The following TELO2 variants were observed in gnomAD, a reference collection of about 807,000 sequenced individuals.
TELO2 encodes the protein telomere length regulation protein TEL2 homolog.
Under a neutral mutation model 91.0 loss-of-function variants are expected in TELO2, and 71 were observed. That is an observed-to-expected ratio of 0.78 (90% CI 0.64 to 0.95). The LOEUF (loss-of-function observed/expected upper bound fraction) is 0.95, where lower values mean the gene tolerates loss of function less well. TELO2 is among the 40% of genes least tolerant of loss of function. TELO2 has a pLI of 0.00. For synonymous variants in TELO2, 584 were observed against 518.9 expected (o/e 1.13, Z -1.71); for missense variants, 1,183 against 1,141.3 (o/e 1.04, Z -0.53).
At chr16:1,502,245 T>C in intron 12 of TELO2, 68 bp from the exon 13 acceptor site, 1 of 1,567,486 alleles carries the variant, frequency 6.4e-7, no homozygotes, top group Non-Finnish European at 8.6e-7. Flanking sequence ...GTGCCGCCCG[T>C]GCTGCTGGCT....
intron 16 of TELO2, 90 bp from the exon 17 acceptor site, chr16:1,506,148 A>T: frequency 2.1e-6 from 3 of 1,432,904 alleles, no homozygotes; most frequent in Non-Finnish European, 2.9e-6. Context: ...GCTGAGGTCC[A>T]CGCTGCTTTG....
chr16:1,498,032 T>C (rs2039555465), intron 5 of TELO2, among the ~76,000 whole-genome samples: 1 of 152,010 alleles, frequency 6.6e-6, no homozygotes, highest in South Asian at 2.1e-4. Context: ...TTTTTTTCTT[T>C]TTGAGATGGA....
Position 1,507,069 on chromosome 16 carries a change from G to A in TELO2, c.2226+18G>A, listed in dbSNP as rs1437607017. 2.0e-5 allele frequency: 31 copies of A among 1,585,570 alleles called. No individual in the cohort carries two copies. Among genetic ancestry groups the A allele is most frequent in the African/African-American group, 2.7e-5 (2 of 74,360 alleles). ...ACACCACGGTGAGCCGGGAGAGGTC[G>A]CCGGGCGCCGGCCTGTGCTAACCAT... On this transcript the variant is annotated intron_variant, in intron 18 of 20. Coordinates refer to ENST00000262319, the MANE Select transcript of TELO2 (RefSeq NM_016111.4).
At chr16:1,506,498 G>A (rs2039897729) in intron 17 of TELO2, 169 bp downstream of exon 17, 2 of 1,468,708 alleles carry the variant, frequency 1.4e-6, no homozygotes, top group African/African-American at 2.8e-5. Context: ...CGTCCCGCAA[G>A]ATTCCTCTGT....
At chr16:1,509,769 G>A (rs968576303) in intron 20 of TELO2, 61 bp from the exon 21 acceptor site, 2 of 1,462,446 alleles carry the variant, frequency 1.4e-6, no homozygotes, top group Non-Finnish European at 1.9e-6. Flanking sequence ...ACTGAAGACA[G>A]GAGGAGGGAG....
intron 3 of TELO2, 37 bp from the exon 4 acceptor site, chr16:1,496,999 C>A: frequency 6.2e-7 from 1 of 1,607,038 alleles, no homozygotes; most frequent in East Asian, 2.2e-5. Flanking sequence ...TGTGCCTTCC[C>A]GCCGGCTTCC....
chr16:1,507,774 A>ATGTGTG (rs1258445053), intron 20 of TELO2, 58 bp downstream of exon 20: 1 of 1,018,504 alleles, frequency 9.8e-7, no homozygotes, highest in Non-Finnish European at 1.3e-6. Flanking sequence ...GTGTGTGTGT[A>ATGTGTG]TGTGTGTGTG....
rs1159396574 is a variant in TELO2, at chr16:1,495,349, C to T, written c.339C>T (p.Pro113=). Residue 113 remains proline (P), a synonymous_variant, in exon 3 of 21, where the codon CCC becomes CCT. Coordinates refer to ENST00000262319, the MANE Select transcript of TELO2 (RefSeq NM_016111.4). ...CCCAACACGCCCGTATCTTCAGCCC[C>T]AGCTTCCGGCTGATGAAGATGGCGC... ...LMETIEGAAG[P]SFRLMKMARL... is the part of the protein sequence containing the mutation. 2.6e-6 allele frequency: 4 copies of T among 1,543,182 alleles called. No homozygotes were observed. The South Asian group carries it at 3.6e-5, about 14-fold the overall frequency.
rs1016645739 is a variant in TELO2 at position 1,493,958 on chromosome 16, C to A, written c.-36-288C>A. Among the ~76,000 whole-genome samples the A allele has an allele frequency of 6.6e-6, 1 of 152,242 alleles. No homozygotes were observed. The highest frequency in any genetic ancestry group is 2.4e-5 in the African/African-American group (1 of 41,466). On this transcript the variant is annotated intron_variant, in intron 1 of 20. Coordinates refer to ENST00000262319, the MANE Select transcript of TELO2 (RefSeq NM_016111.4). This position sits in a 1 kb window ranked among gnomAD's most constrained non-coding sequence, Gnocchi z 4.3. ...GAACACTCACCAGCATCTCTAGCCTCCACCTCCCTCTCGCGCCAGTGGCAC... is the reference window on the plus strand; with the variant it reads ...GAACACTCACCAGCATCTCTAGCCTACACCTCCCTCTCGCGCCAGTGGCAC...
rs778884447 is a variant in TELO2 at position 1,505,496 on chromosome 16, G to A, written c.1929G>A (p.Pro643=). 1.1e-5 allele frequency: 18 copies of A among 1,613,108 alleles called. No homozygotes were observed. Among genetic ancestry groups the A allele is most frequent in the East Asian group, 6.7e-5 (3 of 44,872 alleles). Residue 643 remains proline, a synonymous_variant, in exon 16 of 21, where the codon CCG becomes CCA. Transcript: ENST00000262319. This position sits in a 1 kb window ranked among gnomAD's most constrained non-coding sequence, Gnocchi z 4.3. ...PQPGSPSPNT[P]CLPEAAVSQP... is the part of the protein sequence containing the mutation. ...CTGGCTCCCCAAGTCCCAACACCCC[G>A]TGCCTGCCAGAGGCAGCCGTCTCTC... is the stretch of plus-strand genomic sequence containing the variant.
chr16:1,502,617 GT>G, intron 13 of TELO2, 27 bp from the exon 14 acceptor site: 1 of 1,603,566 alleles, frequency 6.2e-7, no homozygotes, highest in Non-Finnish European at 8.5e-7. Context: ...GGTCCGACAG[GT>G]TTCCCAGCCC....
Position 1,501,441 on chromosome 16 carries a change from C to A in TELO2, c.1303C>A (p.Leu435Ile). Residue 435 changes from leucine (L) to isoleucine (I), a missense_variant, in exon 10 of 21, where the codon CTC becomes ATC. Physicochemically the swap from Leu to Ile is conservative, Grantham distance 5. Coordinates refer to ENST00000262319, the MANE Select transcript of TELO2 (RefSeq NM_016111.4). The stretch of plus-strand genomic sequence containing the variant: ...GTAGTACGAAGAGGATGAACTGAGC[C>A]TCGAGCTGCTGGCCTTGGCCTCCCC... ...KFQYEEDELS[L>I]ELLALASPQP... The A allele has an allele frequency of 6.2e-7, 1 of 1,612,358 alleles. No individual in the cohort carries two copies. The highest frequency in any genetic ancestry group is 8.5e-7 in the Non-Finnish European group (1 of 1,179,624).
At chr16:1,509,803 G>A in intron 20 of TELO2, 27 bp from the exon 21 acceptor site, 1 of 1,597,002 alleles carries the variant, frequency 6.3e-7, no homozygotes, top group Non-Finnish European at 8.5e-7. Flanking sequence ...CGCTGCCTCA[G>A]CTTTGCTTGT....
chr16:1,506,153 G>A, intron 16 of TELO2, 85 bp from the exon 17 acceptor site: 1 of 1,482,382 alleles, frequency 6.7e-7, no homozygotes, highest in South Asian at 1.1e-5. Context: ...GGTCCACGCT[G>A]CTTTGTGGGA....
rs1304277066 is a variant in TELO2, at chr16:1,501,697, G to A, written c.1396G>A (p.Ala466Thr). Residue 466 changes from alanine to threonine, a missense_variant, in exon 11 of 21, where the codon GCA becomes ACA. Transcript: ENST00000262319. ...SLVPATAEPPAETPAEIVDGG... is the reference protein window; with the variant it reads ...SLVPATAEPPTETPAEIVDGG... ...CGTTCCAGCCACGGCAGAGCCCCCTGCAGAGACCCCCGCAGAGATCGTGGA... is the reference window on the plus strand; with the variant it reads ...CGTTCCAGCCACGGCAGAGCCCCCTACAGAGACCCCCGCAGAGATCGTGGA... 6.2e-7 allele frequency: 1 copy of A among 1,612,896 alleles called. No homozygotes were observed. Among genetic ancestry groups the A allele is most frequent in the East Asian group, 2.2e-5 (1 of 44,878 alleles).
Position 1,500,127 on chromosome 16 carries a change from TG to T in TELO2, c.967del (p.Ala323ProfsTer14). On this transcript the variant is annotated frameshift_variant, in exon 7 of 21. Coordinates refer to ENST00000262319, the MANE Select transcript of TELO2 (RefSeq NM_016111.4). LOFTEE classifies it high-confidence loss of function. ...TPMLQSLLGHLAMDSQRRPLL... is the reference protein window; with the variant it reads ...TPMLQSLLGHXAMDSQRRPLL... ...ATGCTGCAGAGCCTGCTGGGCCATC[TG>T]GCCATGGACAGCCAGCGGCGCCCGC... The T allele has an allele frequency of 6.2e-7, 1 of 1,608,864 alleles. No individual in the cohort carries two copies. Among genetic ancestry groups the T allele is most frequent in the South Asian group, 1.1e-5 (1 of 90,888 alleles).
At position 1,494,261 on chromosome 16, in the gene TELO2, C is replaced by G; in HGVS notation, c.-21C>G. The G allele has an allele frequency of 6.3e-7, 1 of 1,596,876 alleles. No individual in the cohort carries two copies. The highest frequency in any genetic ancestry group is 8.6e-7 in the Non-Finnish European group (1 of 1,167,694). On this transcript the variant is annotated 5_prime_UTR_variant, in exon 2 of 21. Transcript: ENST00000262319. This position sits in a 1 kb window ranked among gnomAD's most constrained non-coding sequence, Gnocchi z 5.6. ...CATGTCACAGGTCGTCTTCCCGTGA[C>G]GCCCAGATCTGTCCTGCAGGATGGA... is the stretch of plus-strand genomic sequence containing the variant.
chr16:1,495,758 C>G (rs977725057), intron 3 of TELO2, 135 bp downstream of exon 3: 7 of 1,267,710 alleles, frequency 5.5e-6, no homozygotes, highest in Non-Finnish European at 7.5e-6. Flanking sequence ...GGGGATGTCC[C>G]TGTCCCGCAC....
chr16:1,500,300 C>G (rs1453157908), intron 7 of TELO2, 47 bp from the exon 8 acceptor site: 2 of 1,541,242 alleles, frequency 1.3e-6, no homozygotes, highest in East Asian at 4.8e-5. Context: ...CTGGCGGGGA[C>G]AGACTGGCCC....
Sources: allele counts gnomAD v4.1 joint callset (sites outside exome capture counted in the v4.1 genomes callset), GRCh38; gene constraint gnomAD v4.1.1; non-coding constraint Gnocchi (gnomAD v3.1); transcripts MANE v1.5; gene names NCBI Gene and HGNC (gene_info 2026-07-23, HGNC 2026-07-21).